PPP1R3B: variants seen among roughly 807,000 people sequenced by gnomAD.
The protein encoded by PPP1R3B is protein phosphatase 1 regulatory subunit 3B.
Under a neutral mutation model 14.6 loss-of-function variants are expected in PPP1R3B, and 8 were observed. The observed-to-expected ratio is 0.55, with a 90% CI of 0.32 to 0.99. The LOEUF is 0.99. PPP1R3B is among the 50% of genes least tolerant of loss of function. The pLI is 0.04. For synonymous variants in PPP1R3B, 169 were observed against 142.0 expected (o/e 1.19, Z -1.35); for missense variants, 452 against 360.1 (o/e 1.26, Z -2.07).
At chr8:9,144,442 C>T (rs928871877) in intron 1 of PPP1R3B, among the ~76,000 whole-genome samples, 7 of 152,280 alleles carry the variant, frequency 4.6e-5, no homozygotes, top group African/African-American at 1.7e-4. Flanking sequence ...AATCCTCCCA[C>T]CTCAGCCTCC....
At chr8:9,151,309 G>C (rs906726966), upstream of PPP1R3B, 3 of 153,790 alleles carry the variant, frequency 2.0e-5, no homozygotes, top group African/African-American at 7.2e-5. Flanking sequence ...GTTGTCCCCA[G>C]CCCTTCCCTC....
chr8:9,149,011 C>A (rs1290430499), intron 1 of PPP1R3B, among the ~76,000 whole-genome samples: 2 of 149,776 alleles, frequency 1.3e-5, no homozygotes, highest in Non-Finnish European at 3.0e-5. Context: ...CACGGTGAAA[C>A]CCCGTCTCTA....
At chr8:9,145,419 T>C (rs1353432655) in intron 1 of PPP1R3B, 1 of 152,234 alleles carries the variant, frequency 6.6e-6, no homozygotes, top group East Asian at 1.9e-4. Context: ...ATTTTCTCTT[T>C]CCTATGATTT....
In PPP1R3B at chr8:9,136,270, C is replaced by T. The variant is rs1331405783; in HGVS notation, c.*4524G>A. ...ACACTTTCAGTTTTGTTTTGTCTTC[C>T]TTTATTACATTTTTGCTTTTGAGAT... On this transcript the variant is annotated 3_prime_UTR_variant, in exon 2 of 2. Coordinates refer to ENST00000310455, the MANE Select transcript of PPP1R3B (RefSeq NM_024607.4). The T allele has an allele frequency of 6.6e-6, 1 of 152,170 alleles. No individual in the cohort carries two copies. Among genetic ancestry groups the T allele is most frequent in the South Asian group, 2.1e-4 (1 of 4,834 alleles). The allele number at this position is 152,170 out of a possible 1,614,324, so 9.4% of individuals were successfully genotyped here.
chr8:9,141,707 G>T, intron 1 of PPP1R3B, 39 bp from the exon 2 acceptor site: 1 of 1,567,030 alleles, frequency 6.4e-7, no homozygotes, highest in East Asian at 2.3e-5. Context: ...AGAAAACAGT[G>T]GAGCAATCAG....
intron 1 of PPP1R3B, among the ~76,000 whole-genome samples, chr8:9,149,843 A>G (rs1801363715): frequency 6.6e-6 from 1 of 152,320 alleles, no homozygotes; most frequent in African/African-American, 2.4e-5. Context: ...ATATTCTAGG[A>G]AAGAGGCAAG....
In PPP1R3B at chr8:9,139,812, G is replaced by C. The variant is rs999818591; in HGVS notation, c.*982C>G. The C allele has an allele frequency of 1.3e-5, 2 of 152,152 alleles. No homozygotes were observed. Among genetic ancestry groups the C allele is most frequent in the African/African-American group, 4.8e-5 (2 of 41,448 alleles). 9.4% of individuals were successfully genotyped at this position (152,152 alleles called of 1,614,324 possible). On this transcript the variant is annotated 3_prime_UTR_variant, in exon 2 of 2. Coordinates refer to ENST00000310455, the MANE Select transcript of PPP1R3B (RefSeq NM_024607.4). ...GATCCACCTGCCTCGGCCTCCCAAA[G>C]TGCTGGGATTACAGGCATAAGCCAC... is the stretch of plus-strand genomic sequence containing the variant.
At position 9,141,403 on chromosome 8, in the gene PPP1R3B, A is replaced by T; in HGVS notation, c.249T>A (p.Asp83Glu). Residue 83 changes from aspartate (D) to glutamate (E), a missense_variant, in exon 2 of 2, where the codon GAT becomes GAA. Coordinates refer to ENST00000310455, the MANE Select transcript of PPP1R3B (RefSeq NM_024607.4). The part of the protein sequence containing the change: ...LTMVKVFSEF[D>E]DPLDMPFNIT... ...TGTTGAATGGCATATCTAGCGGGTC[A>T]TCGAATTCCGAGAACACTTTGACCA... is the stretch of plus-strand genomic sequence containing the variant. The T allele has an allele frequency of 1.2e-6, 2 of 1,613,904 alleles. No homozygotes were observed. Among genetic ancestry groups the T allele is most frequent in the Non-Finnish European group, 1.7e-6 (2 of 1,180,032 alleles).
chr8:9,140,718 C>A lies in PPP1R3B; in HGVS notation c.*76G>T. The A allele has an allele frequency of 1.3e-6, 2 of 1,498,130 alleles. No homozygotes were observed. The highest frequency in any genetic ancestry group is 1.8e-6 in the Non-Finnish European group (2 of 1,105,374). 92.8% of individuals were successfully genotyped at this position (1,498,130 alleles called of 1,614,324 possible). On this transcript the variant is annotated 3_prime_UTR_variant, in exon 2 of 2. Coordinates refer to ENST00000310455, the MANE Select transcript of PPP1R3B (RefSeq NM_024607.4). ...AAGTTCCACGTTGCTCCTCCCTGGC[C>A]TTCCATCTCCACTGCACAGTGAGCA...
At chr8:9,146,976 T>A (rs554447010) in intron 1 of PPP1R3B, among the ~76,000 whole-genome samples, 44 of 152,234 alleles carry the variant, frequency 2.9e-4, no homozygotes, top group South Asian at 6.2e-4. Context: ...TTTTGTTTTG[T>A]CTTATTTTTA....
chr8:9,140,104 C>T lies in PPP1R3B; in HGVS notation c.*690G>A, dbSNP rs330920. 44,752 of 154,422 alleles carry T rather than the reference C, an allele frequency of 0.29. 7,692 individuals are homozygous for T. The highest frequency in any genetic ancestry group is 0.74 in the East Asian group (3,820 of 5,130). The allele number at this position is 154,422 out of a possible 1,614,324, so 9.6% of individuals were successfully genotyped here. A position where few individuals can be genotyped will look rare whatever the true frequency, so the allele number is the denominator to read the frequency against. ...TGGTGTGTTGCTCTCTGCTGGAATA[C>T]ATCTGTGGGGTCAAGAAGCGGGAGG... is the stretch of plus-strand genomic sequence containing the variant. On this transcript the variant is annotated 3_prime_UTR_variant, in exon 2 of 2. Coordinates refer to ENST00000310455, the MANE Select transcript of PPP1R3B (RefSeq NM_024607.4).
In PPP1R3B at chr8:9,141,476, A is replaced by G. The variant is rs1563125546; in HGVS notation, c.176T>C (p.Val59Ala). The change falls in exon 2 of 2, where the codon GTG becomes GCG. Residue 59 changes from valine to alanine, a missense_variant. Val to Ala is a moderately conservative substitution (Grantham distance 64). Transcript: ENST00000310455. ...MVAPAVQEKK[V>A]KKRVSFADNQ... ...GTCTGCGAAGGACACCCGCTTTTTC[A>G]CCTTCTTCTCCTGGACAGCCGGGGC... is the stretch of plus-strand genomic sequence containing the variant. 6.2e-7 allele frequency: 1 copy of G among 1,613,912 alleles called. No homozygotes were observed.
chr8:9,146,618 C>T (rs972344085), intron 1 of PPP1R3B, among the ~76,000 whole-genome samples: 4 of 152,150 alleles, frequency 2.6e-5, no homozygotes, highest in African/African-American at 7.2e-5. Context: ...TACACATATT[C>T]GGAAACAAAT....
chr8:9,148,775 G>A (rs1453904781), intron 1 of PPP1R3B, among the ~76,000 whole-genome samples: 1 of 152,238 alleles, frequency 6.6e-6, no homozygotes, highest in Non-Finnish European at 1.5e-5. Flanking sequence ...ACGGTTTCAG[G>A]CAGCTGAACT....
chr8:9,145,205 G>GA (rs1170941972), intron 1 of PPP1R3B: 1 of 152,066 alleles, frequency 6.6e-6, no homozygotes, highest in Non-Finnish European at 1.5e-5. Context: ...GACTTGTGGG[G>GA]AAAAATGCTG....
rs984779373 is a variant in PPP1R3B at position 9,141,134 on chromosome 8, G to A, written c.518C>T (p.Thr173Ile). 1 of 1,614,212 alleles carries A rather than the reference G, an allele frequency of 6.2e-7. No individual in the cohort carries two copies. The highest frequency in any genetic ancestry group is 1.6e-4 in the Middle Eastern group (1 of 6,062). Residue 173 changes from threonine to isoleucine, a missense_variant, in exon 2 of 2, where the codon ACA becomes ATA. Physicochemically the swap from Thr to Ile is moderately conservative, Grantham distance 89 (BLOSUM62 -1). Coordinates refer to ENST00000310455, the MANE Select transcript of PPP1R3B (RefSeq NM_024607.4). ...RMTFDTWKSY[T>I]DFPCQYVKDT... The stretch of plus-strand genomic sequence containing the variant: ...CTTCACGTACTGACAAGGAAAGTCT[G>A]TGTAGCTCTTCCAGGTGTCGAACGT...
chr8:9,143,416 C>T (rs1462053263), intron 1 of PPP1R3B, among the ~76,000 whole-genome samples: 3 of 152,136 alleles, frequency 2.0e-5, no homozygotes, highest in African/African-American at 7.2e-5. Context: ...TTAAAAAGAA[C>T]CAGCAGGCCT....
intron 1 of PPP1R3B, among the ~76,000 whole-genome samples, chr8:9,144,435 C>T (rs1801173390): frequency 6.6e-6 from 1 of 152,124 alleles, no homozygotes; most frequent in African/African-American, 2.4e-5. Context: ...CTCAAGCAAT[C>T]CTCCCACCTC....
In PPP1R3B at chr8:9,140,944, C is replaced by G. The variant is rs1801058190; in HGVS notation, c.708G>C (p.Glu236Asp). The G allele has an allele frequency of 6.2e-6, 10 of 1,614,100 alleles. No homozygotes were observed. The highest frequency in any genetic ancestry group is 1.3e-5 in the African/African-American group (1 of 74,944). Residue 236 changes from glutamate to aspartate, a missense_variant, in exon 2 of 2, where the codon GAG becomes GAC. Coordinates refer to ENST00000310455, the MANE Select transcript of PPP1R3B (RefSeq NM_024607.4). ...RGKNYRIIRA[E>D]LKSTQGMTKP... ...TGGTCATTCCCTGGGTAGATTTTAA[C>G]TCAGCCCGGATGATCCTATAGTTCT...
Sources: allele counts gnomAD v4.1 joint callset (sites outside exome capture counted in the v4.1 genomes callset), GRCh38; gene constraint gnomAD v4.1.1; transcripts MANE v1.5; gene names NCBI Gene and HGNC (gene_info 2026-07-23, HGNC 2026-07-21).